The following TOM1L1 variants were observed in gnomAD, a reference collection of about 807,000 sequenced individuals.
TOM1L1 encodes the protein TOM1-like protein 1.
Under a neutral mutation model 63.4 loss-of-function variants are expected in TOM1L1, and 64 were observed. That is an observed-to-expected ratio of 1.01 (90% CI 0.83 to 1.24). The LOEUF is 1.24. Ranked by LOEUF, TOM1L1 falls within the 50% of genes most tolerant of loss-of-function variation. The pLI, the probability that TOM1L1 is intolerant of heterozygous loss-of-function variation, is 0.00. For missense variants in TOM1L1, 536 were observed against 567.0 expected (o/e 0.95, Z 0.55); for synonymous variants, 166 against 194.4 (o/e 0.85, Z 1.22).
At chr17:54,942,927 T>A (rs1054571582) in intron 11 of TOM1L1, among the ~76,000 whole-genome samples, 4 of 152,210 alleles carry the variant, frequency 2.6e-5, no homozygotes, top group Admixed American at 6.5e-5. Flanking sequence ...AGTAGAATTA[T>A]ACAATATATC....
In TOM1L1 at chr17:54,961,374, A is replaced by G. The variant is rs1294565988; in HGVS notation, c.*141A>G. ...GTGGCACATTTCTGCTATAATGAAG[A>G]TTAAATAGAATAACAGTTCCAGGAT... On this transcript the variant is annotated 3_prime_UTR_variant, in exon 16 of 16. Transcript: ENST00000575882. The G allele has an allele frequency of 6.5e-7, 1 of 1,550,230 alleles. No individual in the cohort carries two copies. Among genetic ancestry groups the G allele is most frequent in the African/African-American group, 1.4e-5 (1 of 73,076 alleles).
chr17:54,902,192 G>C (rs1312819000), intron 1 of TOM1L1, among the ~76,000 whole-genome samples: 1 of 152,204 alleles, frequency 6.6e-6, no homozygotes, highest in African/African-American at 2.4e-5. Flanking sequence ...AGGGAGAAAT[G>C]AATTCTGCGT....
chr17:54,921,343 C>A (rs994163075), intron 7 of TOM1L1, among the ~76,000 whole-genome samples: 4 of 152,102 alleles, frequency 2.6e-5, no homozygotes, highest in Non-Finnish European at 4.4e-5. Context: ...GCAAAAAATA[C>A]AAATTCTATA....
intron 12 of TOM1L1, 55 bp downstream of exon 12, chr17:54,947,367 C>T: frequency 6.5e-7 from 1 of 1,544,088 alleles, no homozygotes; most frequent in Non-Finnish European, 9.0e-7. Context: ...TTATTGTAGC[C>T]AGAAAAGAAC....
intron 1 of TOM1L1, among the ~76,000 whole-genome samples, chr17:54,902,375 CGCCTACCG>C (rs2048340882): frequency 6.6e-6 from 1 of 152,098 alleles, no homozygotes; most frequent in African/African-American, 2.4e-5. Context: ...CTGCAACCTC[CGCCTACCG>C]GGTTCAAGCA....
intron 3 of TOM1L1, among the ~76,000 whole-genome samples, chr17:54,906,565 A>G (rs1302772662): frequency 1.3e-5 from 2 of 152,148 alleles, no homozygotes; most frequent in African/African-American, 2.4e-5. Flanking sequence ...CCTCCCTGTA[A>G]GCTTTCTGCC....
chr17:54,917,862 C>T (rs905669086), intron 7 of TOM1L1, among the ~76,000 whole-genome samples: 1 of 152,172 alleles, frequency 6.6e-6, no homozygotes, highest in African/African-American at 2.4e-5. Flanking sequence ...GGATGGTCTT[C>T]TGGATTATGT....
rs764291220 is a variant in TOM1L1, at chr17:54,938,994, A to C, written c.1104A>C (p.Leu368=). 6.2e-7 allele frequency: 1 copy of C among 1,611,944 alleles called. No individual in the cohort carries two copies. Among genetic ancestry groups the C allele is most frequent in the Middle Eastern group, 1.7e-4 (1 of 6,054 alleles). ...GTCTTCATCCACAGATGAACTTGCT[A>C]GCCTTGGAGAATACAGAGATACCCC... ...KPSLHPQMNL[L]ALENTEIPPF... The change falls in exon 11 of 16, where the codon CTA becomes CTC. Residue 368 remains leucine (L), a synonymous_variant. Coordinates refer to ENST00000575882, the MANE Select transcript of TOM1L1 (RefSeq NM_005486.3).
intron 4 of TOM1L1, 22 bp from the exon 5 acceptor site, chr17:54,913,726 T>G: frequency 2.5e-6 from 4 of 1,583,042 alleles, no homozygotes; most frequent in Non-Finnish European, 2.6e-6. Context: ...ACTCTGGAAC[T>G]TTTTTCATCT....
intron 14 of TOM1L1, among the ~76,000 whole-genome samples, chr17:54,959,803 G>C (rs914352920): frequency 1.3e-5 from 2 of 151,972 alleles, no homozygotes; most frequent in East Asian, 3.9e-4. Flanking sequence ...TTTTTGTAGA[G>C]ATGGTATTTT....
At chr17:54,928,520 C>G (rs2048805583) in intron 7 of TOM1L1, among the ~76,000 whole-genome samples, 1 of 152,168 alleles carries the variant, frequency 6.6e-6, no homozygotes, top group South Asian at 2.1e-4. Flanking sequence ...TATAAAGGAA[C>G]CAAATCTAGC....
rs569488881 is a variant in TOM1L1 at position 54,960,391 on chromosome 17, C to G, written c.1371-175C>G. On this transcript the variant is annotated intron_variant, in intron 14 of 15. Transcript: ENST00000575882. ...AAAAAAAAGAAAAAATGAAGTGCAACATTAGAATTTAAATAAACTAGAATA... is the reference window on the plus strand; with the variant it reads ...AAAAAAAAGAAAAAATGAAGTGCAAGATTAGAATTTAAATAAACTAGAATA... Among the ~76,000 whole-genome samples the G allele has an allele frequency of 2.0e-5, 3 of 152,114 alleles. No homozygotes were observed. In the South Asian group the frequency reaches 6.2e-4, roughly 32 times the overall value.
intron 14 of TOM1L1, chr17:54,952,776 A>G (rs969464636): frequency 6.6e-6 from 1 of 152,252 alleles, no homozygotes; most frequent in Non-Finnish European, 1.5e-5. Context: ...ATGAGGCCCC[A>G]AGTCTGGAAC....
chr17:54,954,913 C>G (rs1369475320), intron 14 of TOM1L1: 3 of 152,198 alleles, frequency 2.0e-5, no homozygotes, highest in Non-Finnish European at 4.4e-5. Context: ...GTAAGTGACC[C>G]ATATTCAGAC....
intron 1 of TOM1L1, 118 bp downstream of exon 1, chr17:54,901,041 C>T (rs2048317841): frequency 1.4e-6 from 2 of 1,403,118 alleles, no homozygotes. Flanking sequence ...AATTATTCCC[C>T]TCCCCCCGCA....
At chr17:54,923,979 T>C (rs2048726166) in intron 7 of TOM1L1, among the ~76,000 whole-genome samples, 1 of 151,950 alleles carries the variant, frequency 6.6e-6, no homozygotes, top group South Asian at 2.1e-4. Flanking sequence ...CGATACTACT[T>C]GTCAAAAAAT....
intron 7 of TOM1L1, among the ~76,000 whole-genome samples, chr17:54,929,238 A>G (rs1288065704): frequency 6.6e-6 from 1 of 152,188 alleles, no homozygotes; most frequent in African/African-American, 2.4e-5. Flanking sequence ...GTCAGTTGTA[A>G]GGCAGAAGTT....
intron 1 of TOM1L1, 48 bp from the exon 2 acceptor site, chr17:54,903,660 C>T (rs1159942314): frequency 2.0e-6 from 3 of 1,515,868 alleles, no homozygotes; most frequent in Admixed American, 1.7e-5. Flanking sequence ...GAATACCAGA[C>T]ATTTTTTATT....
At chr17:54,935,087 G>A (rs183160750) in intron 8 of TOM1L1, among the ~76,000 whole-genome samples, 17 of 152,294 alleles carry the variant, frequency 1.1e-4, no homozygotes, top group African/African-American at 3.1e-4. Context: ...TCTGTCACGC[G>A]TGAAGAGACC....
Sources: gnomAD v4.1 joint callset for allele counts (sites outside exome capture counted in the v4.1 genomes callset) on GRCh38, gnomAD v4.1.1 for gene constraint, MANE v1.5 for transcripts, NCBI Gene and HGNC (gene_info 2026-07-23, HGNC 2026-07-21) for gene names.